Variants in PACRG observed in about 807,000 individuals in gnomAD.
PACRG encodes parkin coregulated gene protein.
In PACRG, 29 loss-of-function variants were observed where a neutral mutation model predicts 29.7. That is an observed-to-expected ratio of 0.98 (90% CI 0.73 to 1.33). PACRG has a LOEUF of 1.33. Among genes scored for constraint, PACRG ranks in the 40% most tolerant of loss-of-function variants. PACRG has a pLI of 0.00. For synonymous variants in PACRG, 116 were observed against 118.7 expected (o/e 0.98, Z 0.15); for missense variants, 279 against 316.2 (o/e 0.88, Z 0.89).
At position 163,005,819 on chromosome 6, in the gene PACRG, G is replaced by A. The variant is rs899056447; in HGVS notation, c.292-56331G>A. ...TTATATATATACAACATAGTTATAC[G>A]TGTTATATATATACAACATAGTTAT... On this transcript the variant is annotated intron_variant, in intron 2 of 4. Coordinates refer to ENST00000366888, the MANE Select transcript of PACRG (RefSeq NM_001080379.2). Among the ~76,000 whole-genome samples, 649 of 145,306 alleles carry A rather than the reference G, an allele frequency of 4.5e-3. 14 individuals carry two copies. The highest frequency in any genetic ancestry group is 0.015 in the African/African-American group (600 of 39,508).
At chr6:162,770,068 A>G (rs866802768) in intron 1 of PACRG, among the ~76,000 whole-genome samples, 1 of 152,144 alleles carries the variant, frequency 6.6e-6, no homozygotes, top group African/African-American at 2.4e-5. Context: ...AGGCAAACCA[A>G]TTAATGCCCC....
rs534032907 is a variant in PACRG, at chr6:163,076,884, A to G, written c.464-12375A>G. Among the ~76,000 whole-genome samples, 334 of 152,240 alleles carry G rather than the reference A, an allele frequency of 2.2e-3. 1 individual carries two copies. The highest frequency in any genetic ancestry group is 2.4e-3 in the Non-Finnish European group (162 of 68,034). On this transcript the variant is annotated intron_variant, in intron 3 of 4. Coordinates refer to ENST00000366888, the MANE Select transcript of PACRG (RefSeq NM_001080379.2). ...TGCCTTCCCTCCCCGACATAACTTT[A>G]TAGCTCCTCTCTCATGTCACTTAGA...
chr6:162,798,082 G>T (rs1021327311), intron 1 of PACRG, among the ~76,000 whole-genome samples: 2 of 152,132 alleles, frequency 1.3e-5, no homozygotes, highest in African/African-American at 4.8e-5. Context: ...CTTTGATATT[G>T]TGCTAGGTCC....
intron 4 of PACRG, among the ~76,000 whole-genome samples, chr6:163,246,687 A>G (rs1330809116): frequency 6.6e-6 from 1 of 152,206 alleles, no homozygotes; most frequent in Non-Finnish European, 1.5e-5. Flanking sequence ...TCACTTACAT[A>G]CAAATTTTCT....
intron 2 of PACRG, among the ~76,000 whole-genome samples, chr6:162,984,155 T>G (rs1007217376): frequency 6.6e-6 from 1 of 151,936 alleles, no homozygotes; most frequent in Admixed American, 6.6e-5. Flanking sequence ...CAATGTGTAG[T>G]CTTTTATTCT....
At chr6:163,167,254 T>C (rs574971534) in intron 4 of PACRG, among the ~76,000 whole-genome samples, 2 of 152,366 alleles carry the variant, frequency 1.3e-5, no homozygotes, top group East Asian at 1.9e-4. Context: ...TGAATACTTA[T>C]AGAATTTTTA....
chr6:162,739,841 T>TA (rs34535656), intron 1 of PACRG, among the ~76,000 whole-genome samples: 19,767 of 129,918 alleles, frequency 0.15, 1,987 homozygotes, highest in African/African-American at 0.29. Context: ...GCTCCATCTT[T>TA]AAAAAAAAAA....
At chr6:162,776,148 A>G (rs1294688616) in intron 1 of PACRG, among the ~76,000 whole-genome samples, 5 of 152,224 alleles carry the variant, frequency 3.3e-5, no homozygotes, top group African/African-American at 1.2e-4. Flanking sequence ...CTCTGTATTT[A>G]TTAGCTACAT....
intron 4 of PACRG, among the ~76,000 whole-genome samples, chr6:163,156,494 T>C (rs1562942430): frequency 6.6e-6 from 1 of 152,048 alleles, no homozygotes; most frequent in Non-Finnish European, 1.5e-5. Context: ...CATGACTCCC[T>C]CCTCTTCCAC....
At chr6:162,746,419 A>G (rs1780989656) in intron 1 of PACRG, among the ~76,000 whole-genome samples, 1 of 152,232 alleles carries the variant, frequency 6.6e-6, no homozygotes, top group Non-Finnish European at 1.5e-5. Flanking sequence ...TTATAGACAG[A>G]ACAGTAACAG....
chr6:163,178,585 G>A (rs1413774437), intron 4 of PACRG, among the ~76,000 whole-genome samples: 1 of 152,162 alleles, frequency 6.6e-6, no homozygotes, highest in Non-Finnish European at 1.5e-5. Context: ...GCTTCCTTCT[G>A]GACTTTTTCT....
intron 4 of PACRG, among the ~76,000 whole-genome samples, chr6:163,184,288 G>A (rs1011654997): frequency 2.0e-5 from 3 of 152,142 alleles, no homozygotes; most frequent in Admixed American, 6.5e-5. Flanking sequence ...TTCTTGTTCA[G>A]TTTAGGTCTA....
chr6:163,121,421 CG>C (rs1258027378), intron 4 of PACRG, among the ~76,000 whole-genome samples: 1 of 152,060 alleles, frequency 6.6e-6, no homozygotes, highest in African/African-American at 2.4e-5. Flanking sequence ...CTGTCTACCT[CG>C]GGGCTTCTGT....
intron 2 of PACRG, among the ~76,000 whole-genome samples, chr6:162,968,433 A>T (rs748443932): frequency 6.6e-5 from 10 of 152,222 alleles, no homozygotes; most frequent in Non-Finnish European, 1.2e-4. Context: ...AGTTAATGAG[A>T]CATTTGTGGC....
chr6:163,060,172 T>C (rs537833611), intron 2 of PACRG, among the ~76,000 whole-genome samples: 2 of 152,310 alleles, frequency 1.3e-5, no homozygotes, highest in East Asian at 1.9e-4. Flanking sequence ...AATGACTTAA[T>C]GTATTAAAAT....
chr6:163,002,580 A>C (rs1047397635), intron 2 of PACRG, among the ~76,000 whole-genome samples: 1 of 152,194 alleles, frequency 6.6e-6, no homozygotes, highest in Non-Finnish European at 1.5e-5. Flanking sequence ...TATACACCCA[A>C]AAAGTAGTCA....
intron 2 of PACRG, among the ~76,000 whole-genome samples, chr6:162,857,521 G>A (rs967507874): frequency 6.6e-6 from 1 of 152,136 alleles, no homozygotes; most frequent in Non-Finnish European, 1.5e-5. Context: ...ATAGCGGCTT[G>A]CACATTCTCA....
chr6:162,856,404 G>A (rs1199855132), intron 2 of PACRG, among the ~76,000 whole-genome samples: 1 of 152,122 alleles, frequency 6.6e-6, no homozygotes, highest in Admixed American at 6.5e-5. Flanking sequence ...GAATTGTATT[G>A]TTATCGGGTA....
chr6:163,291,550 C>G (rs760793054), intron 4 of PACRG, among the ~76,000 whole-genome samples: 4 of 152,396 alleles, frequency 2.6e-5, no homozygotes, highest in Middle Eastern at 3.4e-3. Flanking sequence ...AGCTAGATTT[C>G]TCTTCATATT....
Sources: allele counts gnomAD v4.1 joint callset (sites outside exome capture counted in the v4.1 genomes callset), GRCh38; gene constraint gnomAD v4.1.1; transcripts MANE v1.5; gene names NCBI Gene and HGNC (gene_info 2026-07-23, HGNC 2026-07-21).